The following NKAIN2 variants were observed in gnomAD, a reference collection of about 807,000 sequenced individuals.
NKAIN2 encodes sodium/potassium transporting ATPase interacting 2.
NKAIN2 carries 14 observed loss-of-function variants against 32.6 expected under a neutral mutation model. The ratio of observed to expected loss-of-function variants is 0.43; its 90% CI spans 0.28 to 0.67. NKAIN2 has a LOEUF of 0.67. Ranked by LOEUF, NKAIN2 falls within the 30% of genes least tolerant of loss-of-function variation. The pLI is 0.17. For missense variants in NKAIN2, 198 were observed against 258.3 expected (o/e 0.77, Z 1.60); for synonymous variants, 80 against 87.2 (o/e 0.92, Z 0.46).
intron 1 of NKAIN2, among the ~76,000 whole-genome samples, chr6:124,205,911 G>A (rs1196069530): frequency 2.0e-5 from 3 of 151,760 alleles, no homozygotes; most frequent in East Asian, 1.9e-4. Context: ...ACTGTTATCC[G>A]TAATATACCT....
At chr6:124,025,183 G>A (rs903906275) in intron 1 of NKAIN2, among the ~76,000 whole-genome samples, 9 of 152,108 alleles carry the variant, frequency 5.9e-5, no homozygotes, top group African/African-American at 2.2e-4. Context: ...TAAGGTTATT[G>A]TACCTAAGTC....
intron 1 of NKAIN2, among the ~76,000 whole-genome samples, chr6:124,133,861 A>G (rs1053105147): frequency 6.6e-6 from 1 of 151,824 alleles, no homozygotes. Context: ...AGAAATTTAA[A>G]TTAAAAAAAA....
intron 2 of NKAIN2, among the ~76,000 whole-genome samples, chr6:124,349,835 G>A (rs999837640): frequency 4.6e-5 from 7 of 152,072 alleles, no homozygotes; most frequent in African/African-American, 1.7e-4. Context: ...AATACCACAG[G>A]GAAGCCATGA....
chr6:124,432,936 C>T (rs1265502824), intron 3 of NKAIN2, among the ~76,000 whole-genome samples: 1 of 152,072 alleles, frequency 6.6e-6, no homozygotes, highest in Non-Finnish European at 1.5e-5. Context: ...GCCTGCTTGG[C>T]TCCCCCCGAC....
intron 1 of NKAIN2, among the ~76,000 whole-genome samples, chr6:124,192,951 G>A (rs563822020): frequency 3.9e-5 from 6 of 151,940 alleles, no homozygotes; most frequent in South Asian, 4.2e-4. Context: ...GGGTTTCACC[G>A]TGTTAGCCAG....
chr6:123,953,985 G>A (rs1777447823), intron 1 of NKAIN2, among the ~76,000 whole-genome samples: 1 of 152,218 alleles, frequency 6.6e-6, no homozygotes, highest in African/African-American at 2.4e-5. Flanking sequence ...TGCACTTAAA[G>A]TGCTTGAATA....
chr6:124,403,194 G>A (rs767121669), intron 3 of NKAIN2, among the ~76,000 whole-genome samples: 22 of 152,010 alleles, frequency 1.4e-4, no homozygotes, highest in Non-Finnish European at 2.4e-4. Flanking sequence ...CCGTTTTATA[G>A]TCTAAACATC....
intron 1 of NKAIN2, among the ~76,000 whole-genome samples, chr6:124,095,238 A>T (rs944029723): frequency 1.3e-5 from 2 of 152,124 alleles, no homozygotes; most frequent in African/African-American, 4.8e-5. Context: ...TTTGGATAAT[A>T]TTCCCACTGA....
chr6:124,541,921 A>G (rs1779926363), intron 3 of NKAIN2, among the ~76,000 whole-genome samples: 1 of 152,170 alleles, frequency 6.6e-6, no homozygotes, highest in South Asian at 2.1e-4. Flanking sequence ...TGTAATATAT[A>G]AATACTTCAT....
At chr6:123,903,598 C>T (rs976629573) in intron 1 of NKAIN2, among the ~76,000 whole-genome samples, 1 of 152,106 alleles carries the variant, frequency 6.6e-6, no homozygotes, top group Non-Finnish European at 1.5e-5. Flanking sequence ...AACTTAGCCC[C>T]CTTTTTTCTC....
chr6:124,409,781 A>C (rs908384210), intron 3 of NKAIN2, among the ~76,000 whole-genome samples: 21 of 152,040 alleles, frequency 1.4e-4, no homozygotes, highest in Non-Finnish European at 2.8e-4. Flanking sequence ...CCAGCTCCTC[A>C]TTGTACCTAT....
At chr6:124,435,057 A>G (rs1364368836) in intron 3 of NKAIN2, among the ~76,000 whole-genome samples, 2 of 152,154 alleles carry the variant, frequency 1.3e-5, no homozygotes, top group Non-Finnish European at 2.9e-5. Context: ...AAAATCACAA[A>G]TATTTTGAGA....
chr6:124,170,434 A>G (rs1788786859), intron 1 of NKAIN2, among the ~76,000 whole-genome samples: 1 of 152,174 alleles, frequency 6.6e-6, no homozygotes. Context: ...TCTCTCTGCT[A>G]AATAGAAAGT....
intron 3 of NKAIN2, among the ~76,000 whole-genome samples, chr6:124,437,312 C>CA (rs2114583522): frequency 6.6e-6 from 1 of 152,230 alleles, no homozygotes; most frequent in South Asian, 2.1e-4. Flanking sequence ...AATAGGTGCT[C>CA]AAGAAATATT....
chr6:124,558,748 G>A (rs1039795148), intron 3 of NKAIN2, among the ~76,000 whole-genome samples: 1 of 152,176 alleles, frequency 6.6e-6, no homozygotes, highest in Non-Finnish European at 1.5e-5. Context: ...AGTAGTTTGA[G>A]ACCAGCCTGG....
chr6:124,452,778 A>T (rs1022380945), intron 3 of NKAIN2, among the ~76,000 whole-genome samples: 1 of 152,174 alleles, frequency 6.6e-6, no homozygotes, highest in Non-Finnish European at 1.5e-5. Context: ...CTTGTTAGCC[A>T]TATTAATGTT....
intron 4 of NKAIN2, among the ~76,000 whole-genome samples, chr6:124,732,317 AC>A (rs1234477338): frequency 6.6e-6 from 1 of 152,084 alleles, no homozygotes; most frequent in East Asian, 1.9e-4. Context: ...GAATAGAGAT[AC>A]GGGCTCTTAC....
chr6:123,975,925 G>A (rs144745739), intron 1 of NKAIN2, among the ~76,000 whole-genome samples: 13 of 151,904 alleles, frequency 8.6e-5, no homozygotes, highest in African/African-American at 3.1e-4. Flanking sequence ...ACATGTCGCG[G>A]GAGGGACCCC....
At position 124,763,424 on chromosome 6, in the gene NKAIN2, C is replaced by T. The variant is rs1201148011; in HGVS notation, c.475-27915C>T. Among the ~76,000 whole-genome samples the T allele has an allele frequency of 2.6e-5, 4 of 152,298 alleles. No individual in the cohort carries two copies. The South Asian group carries it at 8.3e-4, about 32-fold the overall frequency. On this transcript the variant is annotated intron_variant, in intron 4 of 6. Transcript: ENST00000368417. ...CAAAGAGGGAATGAGGCACTTCTTA[C>T]ACAGCTGGAGCAGGAGCAAGAGATG...
Sources: gnomAD v4.1 joint callset for allele counts (sites outside exome capture counted in the v4.1 genomes callset) on GRCh38, gnomAD v4.1.1 for gene constraint, MANE v1.5 for transcripts, NCBI Gene and HGNC (gene_info 2026-07-23, HGNC 2026-07-21) for gene names.